The following DYSF variants were observed in gnomAD, a reference collection of about 807,000 sequenced individuals.
The protein encoded by DYSF is dysferlin.
In DYSF, 212 loss-of-function variants were observed where a neutral mutation model predicts 274.9. The observed-to-expected ratio is 0.77, with a 90% CI of 0.69 to 0.86. The LOEUF is 0.86. Among genes scored for constraint, DYSF ranks in the 40% least tolerant of loss-of-function variants. DYSF has a pLI of 0.00. For missense variants in DYSF, 2,666 were observed against 2,783.2 expected (o/e 0.96, Z 0.95); for synonymous variants, 1,091 against 1,078.7 (o/e 1.01, Z -0.22).
chr2:71,457,829 A>T (rs1352161891), intron 1 of DYSF, among the ~76,000 whole-genome samples: 1 of 152,210 alleles, frequency 6.6e-6, no homozygotes, highest in Non-Finnish European at 1.5e-5. Flanking sequence ...GGCAATGGTC[A>T]CATGGCACTG....
intron 55 of DYSF, among the ~76,000 whole-genome samples, chr2:71,685,302 C>T (rs1321416531): frequency 6.6e-6 from 1 of 152,176 alleles, no homozygotes; most frequent in African/African-American, 2.4e-5. Flanking sequence ...AAATATGGAC[C>T]CTGCTTCCCC....
Position 71,539,247 on chromosome 2 carries a change from C to G in DYSF, c.1576+8C>G. On this transcript the variant is annotated splice_region_variant and intron_variant, in intron 17 of 55. Coordinates refer to ENST00000410020, the MANE Select transcript of DYSF (RefSeq NM_001130987.2). Reference sequence around the variant, plus strand: ...CTGGAGGAGAAATAGAAGGTATGTTCCCTCTTCGTTCTGCCCTTTGACCCC... The same window carrying G: ...CTGGAGGAGAAATAGAAGGTATGTTGCCTCTTCGTTCTGCCCTTTGACCCC... 6.2e-7 allele frequency: 1 copy of G among 1,612,650 alleles called. No homozygotes were observed. Among genetic ancestry groups the G allele is most frequent in the African/African-American group, 1.3e-5 (1 of 74,998 alleles).
chr2:71,601,295 T>C (rs1574280201), intron 34 of DYSF: 4 of 687,978 alleles, frequency 5.8e-6, no homozygotes, highest in Non-Finnish European at 1.0e-5. Context: ...CCCGAATAAG[T>C]AGACTGAATA....
intron 3 of DYSF, among the ~76,000 whole-genome samples, chr2:71,498,944 T>C (rs1435498988): frequency 6.6e-6 from 1 of 152,238 alleles, no homozygotes; most frequent in Non-Finnish European, 1.5e-5. Flanking sequence ...TAAATAAGTA[T>C]TTGTTGAATG....
chr2:71,468,803 C>T (rs1004107217), intron 1 of DYSF, among the ~76,000 whole-genome samples: 1 of 152,216 alleles, frequency 6.6e-6, no homozygotes, highest in African/African-American at 2.4e-5. Context: ...CCCTGACTGG[C>T]CTGTGCTCAG....
At chr2:71,457,796 A>AG (rs2081129509) in intron 1 of DYSF, among the ~76,000 whole-genome samples, 1 of 152,138 alleles carries the variant, frequency 6.6e-6, no homozygotes, top group Admixed American at 6.5e-5. Context: ...GTGGCTGCCT[A>AG]GGGTCTGATA....
intron 41 of DYSF, among the ~76,000 whole-genome samples, chr2:71,631,805 C>T (rs1019567759): frequency 6.6e-6 from 1 of 151,982 alleles, no homozygotes; most frequent in African/African-American, 2.4e-5. Context: ...CCCTGCTTGG[C>T]ATTCCTGTGG....
At chr2:71,669,892 C>T (rs1041511434) in intron 51 of DYSF, 146 bp downstream of exon 51, 76 of 1,012,200 alleles carry the variant, frequency 7.5e-5, no homozygotes, top group Non-Finnish European at 1.1e-4. Context: ...TCCACATGGC[C>T]ACCACCTCCA....
chr2:71,493,061 A>ATAT (rs1553514478), intron 3 of DYSF, among the ~76,000 whole-genome samples: 2 of 151,092 alleles, frequency 1.3e-5, no homozygotes, highest in Non-Finnish European at 2.9e-5. Context: ...TAATATATAT[A>ATAT]TTTTTTTTGT....
intron 30 of DYSF, among the ~76,000 whole-genome samples, chr2:71,578,954 C>T (rs982857192): frequency 2.0e-5 from 3 of 152,202 alleles, no homozygotes; most frequent in African/African-American, 7.2e-5. Context: ...ATTTTATTTT[C>T]GTATTATTCT....
chr2:71,618,569 T>TGTGTGTGTGTGGTAGAG (rs1488007194), intron 40 of DYSF, among the ~76,000 whole-genome samples: 5 of 3,440 alleles, frequency 1.5e-3, no homozygotes, highest in East Asian at 6.5e-3. Context: ...AGTGTGTGTT[T>TGTGTGTGTGTGGTAGAG]GTGTGGGGTA....
At chr2:71,662,480 GTA>G (rs1316137625) in intron 45 of DYSF, among the ~76,000 whole-genome samples, 24 of 149,730 alleles carry the variant, frequency 1.6e-4, no homozygotes, top group African/African-American at 6.0e-4. Flanking sequence ...GCGTGCGTGT[GTA>G]TGTATTTGTG....
intron 32 of DYSF, among the ~76,000 whole-genome samples, chr2:71,592,269 C>T (rs575524198): frequency 7.9e-5 from 12 of 152,288 alleles, no homozygotes; most frequent in East Asian, 7.8e-4. Context: ...CCTCTGGAGA[C>T]GGCATTGGTA....
intron 12 of DYSF, among the ~76,000 whole-genome samples, chr2:71,523,128 C>A (rs1441627413): frequency 6.6e-6 from 1 of 152,166 alleles, no homozygotes; most frequent in Non-Finnish European, 1.5e-5. Context: ...GATCAGAGAC[C>A]CAGGCTCCTG....
At chr2:71,601,166 T>G (rs1285174138) in intron 34 of DYSF, 1 of 586,866 alleles carries the variant, frequency 1.7e-6, no homozygotes, top group Non-Finnish European at 3.0e-6. Context: ...GGATCCCCGT[T>G]GCATTGCTGG....
intron 41 of DYSF, among the ~76,000 whole-genome samples, chr2:71,638,968 A>G (rs1232836745): frequency 6.6e-6 from 1 of 152,174 alleles, no homozygotes; most frequent in South Asian, 2.1e-4. Flanking sequence ...AAGGGTTCCA[A>G]TTTCTCTATG....
At chr2:71,589,798 C>G (rs865883186) in intron 31 of DYSF, 112 bp downstream of exon 31, 2 of 1,116,108 alleles carry the variant, frequency 1.8e-6, no homozygotes, top group Middle Eastern at 2.0e-4. Flanking sequence ...GGAGCTGAGT[C>G]TCTGTGCTTT....
Position 71,611,519 on chromosome 2 carries a change from T to C in DYSF, c.4114T>C (p.Ser1372Pro), listed in dbSNP as rs2093761127. Residue 1372 changes from serine to proline, a missense_variant, in exon 38 of 56, where the codon TCC (serine) becomes CCC (proline). Ser to Pro is a moderately conservative substitution (Grantham distance 74, BLOSUM62 -1). Coordinates refer to ENST00000410020, the MANE Select transcript of DYSF (RefSeq NM_001130987.2). ...MKSYQLANIS[S>P]PSLVVECGGQ... Reference sequence around the variant, plus strand: ...GAGTTACCAGCTGGCCAACATCTCCTCCCCCAGCCTCGTGGTAGAGTGTGG... The same window carrying C: ...GAGTTACCAGCTGGCCAACATCTCCCCCCCCAGCCTCGTGGTAGAGTGTGG... 6.2e-7 allele frequency: 1 copy of C among 1,614,056 alleles called. No homozygotes were observed. The highest frequency in any genetic ancestry group is 8.5e-7 in the Non-Finnish European group (1 of 1,180,006).
intron 1 of DYSF, among the ~76,000 whole-genome samples, chr2:71,455,131 C>T (rs951994007): frequency 1.3e-5 from 2 of 152,210 alleles, no homozygotes; most frequent in African/African-American, 4.8e-5. Flanking sequence ...CACCTGTTCA[C>T]AGACACCATC....
Sources: allele counts gnomAD v4.1 joint callset (sites outside exome capture counted in the v4.1 genomes callset), GRCh38; gene constraint gnomAD v4.1.1; transcripts MANE v1.5; gene names NCBI Gene and HGNC (gene_info 2026-07-23, HGNC 2026-07-21).